ELP4: variants seen among roughly 807,000 people sequenced by gnomAD.
The protein encoded by ELP4 is elongator complex protein 4.
ELP4 carries 51 observed loss-of-function variants against 48.9 expected under a neutral mutation model. The ratio of observed to expected loss-of-function variants is 1.04; its 90% CI spans 0.83 to 1.32. The LOEUF (loss-of-function observed/expected upper bound fraction) is 1.32, where lower values mean the gene tolerates loss of function less well. ELP4 is among the 40% of genes most tolerant of loss of function. The pLI is 0.00. For synonymous variants in ELP4, 210 were observed against 189.2 expected, an observed-to-expected ratio of 1.11 and a Z score of -0.90; for missense variants, 519 against 514.6, an observed-to-expected ratio of 1.01 and a Z score of -0.08.
intron 3 of ELP4, among the ~76,000 whole-genome samples, chr11:31,559,336 G>T (rs768450287): frequency 6.6e-6 from 1 of 152,162 alleles, no homozygotes; most frequent in East Asian, 1.9e-4. Context: ...TTCAAATTAT[G>T]ATTTGTTAAT....
chr11:31,597,707 G>A (rs1157701473), intron 4 of ELP4, among the ~76,000 whole-genome samples: 1 of 151,716 alleles, frequency 6.6e-6, no homozygotes, highest in African/African-American at 2.4e-5. Flanking sequence ...GAGTAGCTGG[G>A]ACTATAGTTG....
intron 5 of ELP4, among the ~76,000 whole-genome samples, chr11:31,611,429 C>T (rs1277206793): frequency 2.0e-5 from 3 of 152,140 alleles, no homozygotes; most frequent in Non-Finnish European, 4.4e-5. Context: ...GATTCCCCAA[C>T]TCATTCAGGA....
At position 31,509,896 on chromosome 11, in the gene ELP4, G is replaced by C; in HGVS notation, c.112G>C (p.Val38Leu). Residue 38 changes from valine (V) to leucine (L), a missense_variant, in exon 1 of 10, where the codon GTG becomes CTG. Coordinates refer to ENST00000640961, the MANE Select transcript of ELP4 (RefSeq NM_019040.5). ...SFQRRGPRAS[V>L]TNDSGPRLVS... ...CCAGAGGAGGGGTCCTAGAGCCAGC[G>C]TGACCAACGACAGCGGCCCTCGACT... 1 of 1,614,140 alleles carries C rather than the reference G, an allele frequency of 6.2e-7. No homozygotes were observed. Among genetic ancestry groups the C allele is most frequent in the Non-Finnish European group, 8.5e-7 (1 of 1,180,046 alleles).
Position 31,729,611 on chromosome 11 carries a change from C to T in ELP4, c.1144-53782C>T, listed in dbSNP as rs555629659. Among the ~76,000 whole-genome samples the T allele has an allele frequency of 3.3e-5, 5 of 152,270 alleles. No individual in the cohort carries two copies. The East Asian group carries it at 9.6e-4, about 29-fold the overall frequency. On this transcript the variant is annotated intron_variant, in intron 9 of 9. Transcript: ENST00000640961. The stretch of plus-strand genomic sequence containing the variant: ...ATTAGTGGGAAAGCTTTGGGGCTTT[C>T]TATATGCATAAATGCTTCAGCTGTT...
At chr11:31,607,328 T>G (rs1478392334) in intron 5 of ELP4, among the ~76,000 whole-genome samples, 1 of 152,214 alleles carries the variant, frequency 6.6e-6, no homozygotes, top group Non-Finnish European at 1.5e-5. Context: ...AAATTAAATA[T>G]TGAACTTTCT....
At chr11:31,608,420 T>C (rs1394462610) in intron 5 of ELP4, among the ~76,000 whole-genome samples, 3 of 152,086 alleles carry the variant, frequency 2.0e-5, no homozygotes. Context: ...AGCTTGTTTA[T>C]GATGGGTTGT....
At chr11:31,682,063 A>C in intron 9 of ELP4, 1 of 1,295,512 alleles carries the variant, frequency 7.7e-7, no homozygotes, top group Non-Finnish European at 1.0e-6. Context: ...TTTCAAAGAG[A>C]ACAAGTCTAA....
At chr11:31,666,999 G>T (rs1194517250) in intron 9 of ELP4, among the ~76,000 whole-genome samples, 1 of 152,152 alleles carries the variant, frequency 6.6e-6, no homozygotes, top group African/African-American at 2.4e-5. Context: ...AACCAGCATG[G>T]AGGACCAAGT....
intron 9 of ELP4, among the ~76,000 whole-genome samples, chr11:31,757,488 A>G (rs1450942674): frequency 6.6e-6 from 1 of 152,098 alleles, no homozygotes; most frequent in Non-Finnish European, 1.5e-5. Flanking sequence ...TTCCTCTTAA[A>G]CACAATATGC....
chr11:31,754,204 G>T (rs1190740598), intron 9 of ELP4, among the ~76,000 whole-genome samples: 2 of 152,036 alleles, frequency 1.3e-5, no homozygotes, highest in Non-Finnish European at 2.9e-5. Context: ...ACCCACACTT[G>T]TTTGCCATAC....
intron 9 of ELP4, among the ~76,000 whole-genome samples, chr11:31,733,476 CAAAAA>C (rs59733716): frequency 1.4e-5 from 1 of 70,050 alleles, no homozygotes; most frequent in East Asian, 4.2e-4. Context: ...GACTCCATCT[CAAAAA>C]AAAAAAAAAA....
intron 3 of ELP4, among the ~76,000 whole-genome samples, chr11:31,551,085 G>C (rs1418175644): frequency 6.6e-6 from 1 of 152,150 alleles, no homozygotes; most frequent in Admixed American, 6.6e-5. Flanking sequence ...CTTTGCAACT[G>C]ATTTTGGCAT....
chr11:31,596,722 T>C (rs1229566952), intron 4 of ELP4, among the ~76,000 whole-genome samples: 1 of 152,210 alleles, frequency 6.6e-6, no homozygotes, highest in Non-Finnish European at 1.5e-5. Context: ...TTTAAATGAC[T>C]GTGAACAAAC....
At chr11:31,632,451 G>A (rs1329399105) in intron 7 of ELP4, 46 bp downstream of exon 7, 2 of 1,446,420 alleles carry the variant, frequency 1.4e-6, no homozygotes, top group Non-Finnish European at 1.9e-6. Flanking sequence ...TAGTAATATA[G>A]TATGACATTG....
intron 9 of ELP4, among the ~76,000 whole-genome samples, chr11:31,712,135 T>G (rs1168305375): frequency 6.6e-6 from 1 of 152,028 alleles, no homozygotes; most frequent in East Asian, 1.9e-4. Flanking sequence ...AATATAACAT[T>G]ACAAATTAGA....
intron 5 of ELP4, among the ~76,000 whole-genome samples, chr11:31,622,013 G>A (rs1387806020): frequency 1.3e-5 from 2 of 151,832 alleles, no homozygotes; most frequent in African/African-American, 4.8e-5. Flanking sequence ...TGGGGAGAAT[G>A]ACTATACTTA....
chr11:31,787,135 G>A lies in ELP4; in HGVS notation c.*3611G>A. ...CAAGAGAGTGCCTGGAGCTCTGTTT[G>A]GAAGGACAGCTCATGTCCCTAGGGT... On this transcript the variant is annotated 3_prime_UTR_variant, in exon 10 of 10. Coordinates refer to ENST00000640961, the MANE Select transcript of ELP4 (RefSeq NM_019040.5). 4.3e-6 allele frequency: 1 copy of A among 232,554 alleles called. No individual in the cohort carries two copies. The highest frequency in any genetic ancestry group is 6.1e-5 in the East Asian group (1 of 16,512). 14.4% of individuals were successfully genotyped at this position (232,554 alleles called of 1,614,324 possible). A position where few individuals can be genotyped will look rare whatever the true frequency, so the allele number is the denominator to read the frequency against.
chr11:31,746,324 G>T (rs1024566647), intron 9 of ELP4, among the ~76,000 whole-genome samples: 1 of 152,198 alleles, frequency 6.6e-6, no homozygotes, highest in African/African-American at 2.4e-5. Context: ...GTGGAAGTCA[G>T]TGTGGTGATT....
rs375580062 is a variant in ELP4, at chr11:31,516,436, G to T, written c.224-3620G>T. On this transcript the variant is annotated intron_variant, in intron 1 of 9. Coordinates refer to ENST00000640961, the MANE Select transcript of ELP4 (RefSeq NM_019040.5). The stretch of plus-strand genomic sequence containing the variant: ...GATGTTCAAATGAATTATAACATTA[G>T]TGTGGCACTATGAAATTAAACATTT... Among the ~76,000 whole-genome samples the T allele has an allele frequency of 1.6e-4, 24 of 152,274 alleles. 1 individual carries two copies. In the East Asian group the frequency reaches 4.1e-3, roughly 26 times the overall value.
Sources: allele counts gnomAD v4.1 joint callset (sites outside exome capture counted in the v4.1 genomes callset), GRCh38; gene constraint gnomAD v4.1.1; transcripts MANE v1.5; gene names NCBI Gene and HGNC (gene_info 2026-07-23, HGNC 2026-07-21).